The following NKAIN2 variants were observed in gnomAD, a reference collection of about 807,000 sequenced individuals.
The protein encoded by NKAIN2 is sodium/potassium transporting ATPase interacting 2.
A neutral mutation model predicts 32.6 loss-of-function variants in NKAIN2; 14 were observed. The observed-to-expected ratio is 0.43, with a 90% confidence interval of 0.28 to 0.67. The LOEUF (loss-of-function observed/expected upper bound fraction) is 0.67, where lower values mean the gene tolerates loss of function less well. Ranked by LOEUF, NKAIN2 falls within the 30% of genes least tolerant of loss-of-function variation. The pLI, the probability that NKAIN2 is intolerant of heterozygous loss-of-function variation, is 0.17. For missense variants in NKAIN2, 198 were observed against 258.3 expected, an observed-to-expected ratio of 0.77 and a Z score of 1.60; for synonymous variants, 80 against 87.2, an observed-to-expected ratio of 0.92 and a Z score of 0.46.
intron 3 of NKAIN2, among the ~76,000 whole-genome samples, chr6:124,422,398 G>C (rs561281411): frequency 6.6e-6 from 1 of 152,192 alleles, no homozygotes; most frequent in Admixed American, 6.5e-5. Context: ...AAACAACTTG[G>C]ATATTTTTAT....
intron 4 of NKAIN2, among the ~76,000 whole-genome samples, chr6:124,733,654 A>G (rs1340464018): frequency 6.6e-6 from 1 of 151,868 alleles, no homozygotes; most frequent in Non-Finnish European, 1.5e-5. Flanking sequence ...GGTTGAAGAT[A>G]AGAAGAGAAG....
intron 1 of NKAIN2, among the ~76,000 whole-genome samples, chr6:123,925,397 T>A (rs183957206): frequency 1.4e-3 from 219 of 152,310 alleles, no homozygotes; most frequent in Non-Finnish European, 2.7e-3. Flanking sequence ...CAAAGTGGAT[T>A]TGACTAGAAC....
intron 1 of NKAIN2, among the ~76,000 whole-genome samples, chr6:124,138,935 G>A (rs1015731738): frequency 6.6e-6 from 1 of 151,130 alleles, no homozygotes; most frequent in Non-Finnish European, 1.5e-5. Flanking sequence ...GAATGGTGAA[G>A]AGGGATGAGG....
intron 3 of NKAIN2, among the ~76,000 whole-genome samples, chr6:124,461,340 T>G (rs1194991770): frequency 6.6e-6 from 1 of 151,794 alleles, no homozygotes; most frequent in East Asian, 1.9e-4. Flanking sequence ...AAGACTGATT[T>G]CTTTCCACAC....
At chr6:123,940,581 A>G (rs568695985) in intron 1 of NKAIN2, among the ~76,000 whole-genome samples, 1 of 152,152 alleles carries the variant, frequency 6.6e-6, no homozygotes, top group East Asian at 1.9e-4. Flanking sequence ...ACTATATTGT[A>G]GGCACTTGTA....
intron 1 of NKAIN2, among the ~76,000 whole-genome samples, chr6:123,917,700 T>A (rs1336442376): frequency 6.6e-6 from 1 of 152,108 alleles, no homozygotes; most frequent in Non-Finnish European, 1.5e-5. Context: ...AAGCCTGCCT[T>A]CAGGAGAGGA....
chr6:124,124,611 T>C lies in NKAIN2; in HGVS notation c.55-158394T>C, dbSNP rs545850850. On this transcript the variant is annotated intron_variant, in intron 1 of 6. Transcript: ENST00000368417. ...GATGTCTCCTACTCATTTCTACATA[T>C]AGGATCATTTCTCACTTTGTGAACC... 6.4e-4 allele frequency among the ~76,000 whole-genome samples: 97 copies of C among 152,300 alleles called. 1 individual carries two copies. The highest frequency in any genetic ancestry group is 2.2e-3 in the African/African-American group (92 of 41,568).
At chr6:124,765,161 A>G (rs1438905923) in intron 4 of NKAIN2, among the ~76,000 whole-genome samples, 1 of 152,230 alleles carries the variant, frequency 6.6e-6, no homozygotes, top group Non-Finnish European at 1.5e-5. Context: ...TCACTGAAAC[A>G]TGTAACATTC....
intron 3 of NKAIN2, among the ~76,000 whole-genome samples, chr6:124,582,962 TA>T (rs1161139155): frequency 6.6e-6 from 1 of 152,068 alleles, no homozygotes; most frequent in African/African-American, 2.4e-5. Context: ...TATAGAAGGA[TA>T]ATACCTCAAC....
chr6:124,062,666 C>T (rs1372784719), intron 1 of NKAIN2, among the ~76,000 whole-genome samples: 1 of 152,118 alleles, frequency 6.6e-6, no homozygotes, highest in Non-Finnish European at 1.5e-5. Flanking sequence ...ACACCTGCCT[C>T]AGCCTCTCAA....
chr6:124,614,946 GC>G (rs1258157955), intron 3 of NKAIN2, among the ~76,000 whole-genome samples: 2 of 152,170 alleles, frequency 1.3e-5, no homozygotes, highest in African/African-American at 2.4e-5. Context: ...TGAAGTCAGG[GC>G]CTCTATCACA....
chr6:123,835,374 T>C (rs183871026), intron 1 of NKAIN2, among the ~76,000 whole-genome samples: 30 of 152,322 alleles, frequency 2.0e-4, no homozygotes, highest in Middle Eastern at 6.8e-3. Context: ...CTGTACATAG[T>C]TGTCATTTTT....
At chr6:123,957,758 T>G (rs1777662673) in intron 1 of NKAIN2, among the ~76,000 whole-genome samples, 1 of 152,210 alleles carries the variant, frequency 6.6e-6, no homozygotes, top group Non-Finnish European at 1.5e-5. Context: ...CTTATTAAAT[T>G]AATGTATTAC....
At position 124,598,837 on chromosome 6, in the gene NKAIN2, C is replaced by A. The variant is rs530557673; in HGVS notation, c.274-59349C>A. On this transcript the variant is annotated intron_variant, in intron 3 of 6. Coordinates refer to ENST00000368417, the MANE Select transcript of NKAIN2 (RefSeq NM_001040214.3). ...TTCATAGATATTCTGTGTATTTGTA[C>A]TTGGCCTCCTTTTATGGATATATGC... Among the ~76,000 whole-genome samples, 3 of 152,160 alleles carry A rather than the reference C, an allele frequency of 2.0e-5. No homozygotes were observed. The East Asian group carries it at 5.8e-4, about 29-fold the overall frequency.
At chr6:124,049,835 AG>A (rs1376370563) in intron 1 of NKAIN2, among the ~76,000 whole-genome samples, 2 of 152,004 alleles carry the variant, frequency 1.3e-5, no homozygotes, top group Non-Finnish European at 2.9e-5. Flanking sequence ...ACCCAAATAA[AG>A]GTCCATTTGA....
At chr6:124,078,573 A>T (rs967799031) in intron 1 of NKAIN2, among the ~76,000 whole-genome samples, 1 of 152,218 alleles carries the variant, frequency 6.6e-6, no homozygotes, top group African/African-American at 2.4e-5. Flanking sequence ...GTAATACCAC[A>T]GTCTATGAAC....
intron 1 of NKAIN2, among the ~76,000 whole-genome samples, chr6:123,813,348 A>T (rs1311755749): frequency 1.3e-5 from 2 of 151,458 alleles, no homozygotes; most frequent in African/African-American, 4.9e-5. Context: ...TTCTGACCTC[A>T]CTCTCTTGTT....
At chr6:123,860,866 G>A (rs144143618) in intron 1 of NKAIN2, among the ~76,000 whole-genome samples, 134 of 152,220 alleles carry the variant, frequency 8.8e-4, no homozygotes, top group African/African-American at 3.1e-3. Flanking sequence ...CCCACTCAGT[G>A]TTTGCCCCTT....
intron 1 of NKAIN2, among the ~76,000 whole-genome samples, chr6:124,122,351 A>C (rs1562370580): frequency 6.6e-6 from 1 of 152,122 alleles, no homozygotes; most frequent in Non-Finnish European, 1.5e-5. Flanking sequence ...GTAGATAAGC[A>C]AGCATATGTT....
Sources: gnomAD v4.1 joint callset for allele counts (sites outside exome capture counted in the v4.1 genomes callset) on GRCh38, gnomAD v4.1.1 for gene constraint, MANE v1.5 for transcripts, NCBI Gene and HGNC (gene_info 2026-07-23, HGNC 2026-07-21) for gene names.